The following TLR10 variants were observed in gnomAD, a reference collection of about 807,000 sequenced individuals.
TLR10 encodes toll like receptor 10.
For missense variants in TLR10, 929 were observed against 932.9 expected, an observed-to-expected ratio of 1.00 and a Z score of 0.05; for synonymous variants, 288 against 338.8, an observed-to-expected ratio of 0.85 and a Z score of 1.65.
chr4:38,778,785 A>G (rs1351773993), intron 1 of TLR10, among the ~76,000 whole-genome samples: 1 of 152,088 alleles, frequency 6.6e-6, no homozygotes, highest in Non-Finnish European at 1.5e-5. Flanking sequence ...GGAGCAAAAG[A>G]TATGCTCAAC....
chr4:38,780,327 CCA>C (rs1725321128), intron 1 of TLR10, among the ~76,000 whole-genome samples: 1 of 151,148 alleles, frequency 6.6e-6, no homozygotes, highest in Admixed American at 6.6e-5. Context: ...TCACTTGAAC[CCA>C]AAAGGTGGAG....
rs555252118 is a variant in TLR10, at chr4:38,775,925, C to T, written c.-213G>A. On this transcript the variant is annotated 5_prime_UTR_variant, in exon 3 of 4. Transcript: ENST00000308973. ...TTGGTTTAAGAACTGCATTGTCAGG[C>T]CAGACTCAATACCCTCTCTCACATC... is the stretch of plus-strand genomic sequence containing the variant. 5.2e-6 allele frequency: 1 copy of T among 191,052 alleles called. No individual in the cohort carries two copies. Among genetic ancestry groups the T allele is most frequent in the African/African-American group, 2.3e-5 (1 of 42,834 alleles). 11.8% of individuals were successfully genotyped at this position (191,052 alleles called of 1,614,324 possible).
Position 38,775,371 on chromosome 4 carries a change from G to C in TLR10, c.220C>G (p.Leu74Val). The C allele has an allele frequency of 6.2e-7, 1 of 1,614,124 alleles. No homozygotes were observed. ...QSSDFHSVSK[L>V]RVLILCHNRI... ...TTATGGCATAGAATCAAAACTCTCA[G>C]TTTGGAGACAGAATGAAAATCTGAA... The change falls in exon 4 of 4, where the codon CTG becomes GTG. Residue 74 changes from leucine to valine, a missense_variant. Transcript: ENST00000308973.
At position 38,775,668 on chromosome 4, in the gene TLR10, TA is replaced by T. The variant is rs1690895397; in HGVS notation, c.-62-17del. ...GCTCAAAACCCTAAAAAAAAGTATA[TA>T]ATATTAGATTTTTATTTGGTTTGTT... On this transcript the variant is annotated splice_polypyrimidine_tract_variant and intron_variant, in intron 3 of 3. Transcript: ENST00000308973. The T allele has an allele frequency of 1.5e-6, 2 of 1,325,024 alleles. No individual in the cohort carries two copies. The highest frequency in any genetic ancestry group is 1.0e-6 in the Non-Finnish European group (1 of 987,116). The allele number at this position is 1,325,024 out of a possible 1,614,324, so 82.1% of individuals were successfully genotyped here.
chr4:38,773,719 G>C lies in TLR10; in HGVS notation c.1872C>G (p.Thr624=), dbSNP rs768030694. 1 of 1,613,856 alleles carries C rather than the reference G, an allele frequency of 6.2e-7. No individual in the cohort carries two copies. The highest frequency in any genetic ancestry group is 1.1e-5 in the South Asian group (1 of 91,028). The change falls in exon 4 of 4, where the codon ACC becomes ACG. Residue 624 remains threonine, a synonymous_variant. Transcript: ENST00000308973. ...GGACATTTCTCTTGAGTTGTTCTTGGGTTGTTTTCCTAACCCTGTGCCATG... is the reference window on the plus strand; with the variant it reads ...GGACATTTCTCTTGAGTTGTTCTTGCGTTGTTTTCCTAACCCTGTGCCATG... ...TQTWHRVRKT[T]QEQLKRNVRF...
In TLR10 at chr4:38,773,229, G is replaced by A. The variant is rs771071311; in HGVS notation, c.2362C>T (p.Leu788=). The A allele has an allele frequency of 6.3e-7, 1 of 1,599,202 alleles. No homozygotes were observed. ...NVLATREMYE[L]QTFTELNEES... ...TCATTTAACTCTGTGAATGTCTGCAGTTCATACATTTCTCTGGTGGCTAAT... is the reference window on the plus strand; with the variant it reads ...TCATTTAACTCTGTGAATGTCTGCAATTCATACATTTCTCTGGTGGCTAAT... Residue 788 remains leucine (L), a synonymous_variant, in exon 4 of 4, where the codon CTG becomes TTG. Coordinates refer to ENST00000308973, the MANE Select transcript of TLR10 (RefSeq NM_030956.4).
chr4:38,774,961 T>G lies in TLR10; in HGVS notation c.630A>C (p.Gly210=). The G allele has an allele frequency of 6.2e-7, 1 of 1,613,528 alleles. No individual in the cohort carries two copies. The highest frequency in any genetic ancestry group is 2.2e-5 in the East Asian group (1 of 44,872). Residue 210 remains glycine, a synonymous_variant, in exon 4 of 4, where the codon GGA becomes GGC. Transcript: ENST00000308973. ...DTNFWVLLRD[G]IKTSKILEMT... is the part of the protein sequence containing the mutation. ...TTTCTAATATTTTTGAAGTCTTGATTCCATCACGCAAAAGAACCCAGAAAT... is the reference window on the plus strand; with the variant it reads ...TTTCTAATATTTTTGAAGTCTTGATGCCATCACGCAAAAGAACCCAGAAAT...
At chr4:38,781,104 C>T (rs1325848962) in intron 1 of TLR10, among the ~76,000 whole-genome samples, 1 of 152,204 alleles carries the variant, frequency 6.6e-6, no homozygotes, top group Non-Finnish European at 1.5e-5. Flanking sequence ...TCTTTTTGAA[C>T]TTCTCTTAAT....
Position 38,773,945 on chromosome 4 carries a change from T to C in TLR10, c.1646A>G (p.Asp549Gly), listed in dbSNP as rs1361651031. Residue 549 changes from aspartate to glycine, a missense_variant, in exon 4 of 4, where the codon GAT becomes GGT. Asp to Gly is a moderately conservative substitution (Grantham distance 94, BLOSUM62 -1). Coordinates refer to ENST00000308973, the MANE Select transcript of TLR10 (RefSeq NM_030956.4). ...TAAAGGGTATTCACAGGTGTATGAA[T>C]CTGACCATCCAACCATCATGACCTC... ...YSEVMMVGWSDSYTCEYPLNL... is the reference protein window; with the variant it reads ...YSEVMMVGWSGSYTCEYPLNL... The C allele has an allele frequency of 6.3e-7, 1 of 1,581,314 alleles. No homozygotes were observed. The highest frequency in any genetic ancestry group is 1.4e-5 in the African/African-American group (1 of 73,778).
chr4:38,773,112 C>A lies in TLR10; in HGVS notation c.*43G>T. 1 of 1,475,676 alleles carries A rather than the reference C, an allele frequency of 6.8e-7. No individual in the cohort carries two copies. The highest frequency in any genetic ancestry group is 9.0e-7 in the Non-Finnish European group (1 of 1,117,250). 91.4% of individuals were successfully genotyped at this position (1,475,676 alleles called of 1,614,324 possible). On this transcript the variant is annotated 3_prime_UTR_variant, in exon 4 of 4. Coordinates refer to ENST00000308973, the MANE Select transcript of TLR10 (RefSeq NM_030956.4). ...ATAAAGGTTGTATCAATGTACATCC[C>A]AACAGTGTATGTGGTCCCCAACTTC...
Position 38,775,485 on chromosome 4 carries a change from T to C in TLR10, c.106A>G (p.Asn36Asp). The change falls in exon 4 of 4, where the codon AAC (asparagine) becomes GAC (aspartate). Residue 36 changes from asparagine to aspartate, a missense_variant. Asn to Asp is a conservative substitution (Grantham distance 23). Transcript: ENST00000308973. The stretch of plus-strand genomic sequence containing the variant: ...GCGGGAACCTTTCTTAGAGACATGT[T>C]GGAGCAGTTGGTCATCAGTTCCCTT... The part of the protein sequence containing the change: ...EERELMTNCS[N>D]MSLRKVPADL... 1 of 1,614,148 alleles carries C rather than the reference T, an allele frequency of 6.2e-7. No individual in the cohort carries two copies. The highest frequency in any genetic ancestry group is 8.5e-7 in the Non-Finnish European group (1 of 1,180,014).
rs770932554 is a variant in TLR10, at chr4:38,773,757, G to T, written c.1834C>A (p.Gln612Lys). Reference sequence around the variant, plus strand: ...ACCCTGTGCCATGTTTGTGTGCATTGACCTAGCATCCTGAGATACCAGGGC... The same window carrying T: ...ACCCTGTGCCATGTTTGTGTGCATTTACCTAGCATCCTGAGATACCAGGGC... ...DLPWYLRMLG[Q>K]CTQTWHRVRK... Residue 612 changes from glutamine (Q) to lysine (K), a missense_variant, in exon 4 of 4, where the codon CAA becomes AAA. Gln to Lys is a moderately conservative substitution (Grantham distance 53). Transcript: ENST00000308973. The T allele has an allele frequency of 6.2e-7, 1 of 1,612,716 alleles. No homozygotes were observed. Among genetic ancestry groups the T allele is most frequent in the Non-Finnish European group, 8.5e-7 (1 of 1,179,494 alleles).
In TLR10 at chr4:38,777,565, C is replaced by T. The variant is rs908641338; in HGVS notation, c.-568-1139G>A. Reference sequence around the variant, plus strand: ...TGCAATCTGTCCATCTGACAAAGGGCTAATACCCAGAATCTATAAAGAACA... The same window carrying T: ...TGCAATCTGTCCATCTGACAAAGGGTTAATACCCAGAATCTATAAAGAACA... On this transcript the variant is annotated intron_variant, in intron 1 of 3. Transcript: ENST00000308973. Among the ~76,000 whole-genome samples, 12 of 151,966 alleles carry T rather than the reference C, an allele frequency of 7.9e-5. 1 individual carries two copies. The highest frequency in any genetic ancestry group is 7.9e-4 in the Admixed American group (12 of 15,256).
chr4:38,780,296 C>G (rs184609677), intron 1 of TLR10, among the ~76,000 whole-genome samples: 2 of 151,180 alleles, frequency 1.3e-5, no homozygotes, highest in Non-Finnish European at 2.9e-5. Context: ...CCCAGCTACT[C>G]GGGAGGCTGA....
Position 38,775,578 on chromosome 4 carries a change from T to C in TLR10, c.13A>G (p.Arg5Gly), listed in dbSNP as rs367793120. 1.2e-6 allele frequency: 2 copies of C among 1,606,308 alleles called. No homozygotes were observed. Among genetic ancestry groups the C allele is most frequent in the Non-Finnish European group, 1.7e-6 (2 of 1,175,740 alleles). Residue 5 changes from arginine (R) to glycine (G), a missense_variant, in exon 4 of 4, where the codon AGA becomes GGA. Coordinates refer to ENST00000308973, the MANE Select transcript of TLR10 (RefSeq NM_030956.4). MRLI[R>G]NIYIFCSIVM... ...ATACTACAAAATATGTAAATGTTTCTGATGAGTCTCATTGTATTTCCAAGG... is the reference window on the plus strand; with the variant it reads ...ATACTACAAAATATGTAAATGTTTCCGATGAGTCTCATTGTATTTCCAAGG...
intron 1 of TLR10, among the ~76,000 whole-genome samples, chr4:38,781,154 T>C (rs1163716267): frequency 1.3e-5 from 2 of 152,170 alleles, no homozygotes; most frequent in Admixed American, 6.5e-5. Context: ...GCAATACTTA[T>C]GCATTATGAC....
In TLR10 at chr4:38,774,790, C is replaced by A; in HGVS notation, c.801G>T (p.Trp267Cys). Residue 267 changes from tryptophan (W) to cysteine (C), a missense_variant, in exon 4 of 4, where the codon TGG (tryptophan) becomes TGT (cysteine). Physicochemically the swap from Trp to Cys is radical, Grantham distance 215 (BLOSUM62 -2). Transcript: ENST00000308973. The part of the protein sequence containing the change: ...DDLFLILQFV[W>C]HTSVEHFQIR... ...TCTGAAAGTGTTCCACTGATGTATG[C>A]CAAACAAATTGTAAGATAAGGAAAA... 6.2e-7 allele frequency: 1 copy of A among 1,601,242 alleles called. No homozygotes were observed. The highest frequency in any genetic ancestry group is 8.5e-7 in the Non-Finnish European group (1 of 1,175,550).
chr4:38,778,832 G>A (rs540858822), intron 1 of TLR10: 2 of 152,338 alleles, frequency 1.3e-5, no homozygotes, highest in Non-Finnish European at 2.9e-5. Flanking sequence ...CTCTGTGCGT[G>A]TCATGTTCCC....
intron 1 of TLR10, among the ~76,000 whole-genome samples, chr4:38,782,473 T>C (rs576260519): frequency 2.6e-5 from 4 of 152,162 alleles, no homozygotes; most frequent in Non-Finnish European, 5.9e-5. Context: ...AGAACTGCAT[T>C]GTACAAGATC....
Sources: allele counts gnomAD v4.1 joint callset (sites outside exome capture counted in the v4.1 genomes callset), GRCh38; gene constraint gnomAD v4.1.1; transcripts MANE v1.5; gene names NCBI Gene and HGNC (gene_info 2026-07-23, HGNC 2026-07-21).